ITPR1: variants seen among roughly 807,000 people sequenced by gnomAD.
ITPR1 encodes the protein inositol 1,4,5-trisphosphate-gated calcium channel ITPR1.
In ITPR1, 96 loss-of-function variants were observed where a neutral mutation model predicts 318.4. The observed-to-expected ratio is 0.30, with a 90% confidence interval of 0.26 to 0.36. The LOEUF is 0.36. ITPR1 is among the 10% of genes least tolerant of loss of function. The pLI, the probability that ITPR1 is intolerant of heterozygous loss-of-function variation, is 1.00. For missense variants in ITPR1, 2,440 were observed against 3,460.2 expected, an observed-to-expected ratio of 0.71 and a Z score of 7.40; for synonymous variants, 1,312 against 1,289.9, an observed-to-expected ratio of 1.02 and a Z score of -0.37.
At chr3:4,706,746 G>C (rs1054199888) in intron 37 of ITPR1, among the ~76,000 whole-genome samples, 3 of 152,176 alleles carry the variant, frequency 2.0e-5, no homozygotes, top group Admixed American at 2.0e-4. Flanking sequence ...CCTGAGAGAA[G>C]AATTTTACAT....
At chr3:4,753,369 T>C (rs949174320) in intron 44 of ITPR1, among the ~76,000 whole-genome samples, 2 of 152,106 alleles carry the variant, frequency 1.3e-5, no homozygotes, top group Non-Finnish European at 2.9e-5. Context: ...GCCAAAGCCC[T>C]AATATACAAA....
At chr3:4,721,163 T>C (rs1489779357) in intron 40 of ITPR1, among the ~76,000 whole-genome samples, 2 of 89,900 alleles carry the variant, frequency 2.2e-5, no homozygotes, top group South Asian at 9.7e-4. Context: ...TAGATACGTG[T>C]GTGTGCGTGT....
intron 4 of ITPR1, among the ~76,000 whole-genome samples, chr3:4,546,686 ATAATT>A (rs1172560831): frequency 6.6e-5 from 10 of 152,020 alleles, no homozygotes; most frequent in Non-Finnish European, 1.2e-4. Context: ...GGATAGACAA[ATAATT>A]TAATGGCAGA....
intron 24 of ITPR1, 98 bp from the exon 25 acceptor site, chr3:4,680,455 C>G: frequency 1.9e-6 from 2 of 1,032,648 alleles, no homozygotes; most frequent in South Asian, 2.9e-5. Context: ...GTAATTGATG[C>G]AGCTGATACC....
intron 5 of ITPR1, among the ~76,000 whole-genome samples, chr3:4,629,626 G>T (rs769160427): frequency 1.4e-4 from 22 of 152,250 alleles, no homozygotes; most frequent in Non-Finnish European, 2.8e-4. Context: ...AATGAGCAGT[G>T]TGCTAGGTGC....
chr3:4,660,127 C>T (rs1291491621), intron 13 of ITPR1, among the ~76,000 whole-genome samples: 10 of 152,312 alleles, frequency 6.6e-5, no homozygotes, highest in African/African-American at 2.4e-4. Flanking sequence ...ATAGGACTTA[C>T]TTCCCTAAGC....
chr3:4,691,751 C>T (rs2094482214), intron 32 of ITPR1, among the ~76,000 whole-genome samples: 1 of 152,166 alleles, frequency 6.6e-6, no homozygotes, highest in South Asian at 2.1e-4. Flanking sequence ...TTTTGAGGAG[C>T]AGTTGGTCTG....
intron 37 of ITPR1, among the ~76,000 whole-genome samples, chr3:4,708,396 G>A (rs138217560): frequency 3.7e-4 from 56 of 152,288 alleles, no homozygotes; most frequent in African/African-American, 1.2e-3. Flanking sequence ...TGTGGCTGGA[G>A]CCAGGAAGCT....
At chr3:4,846,028 A>C (rs2051751603) in intron 61 of ITPR1, 111 bp from the exon 62 acceptor site, 2 of 584,360 alleles carry the variant, frequency 3.4e-6, no homozygotes, top group Admixed American at 3.5e-5. Context: ...CTATTTGTAG[A>C]AAGTGGGTTT....
chr3:4,560,118 G>T (rs2086527103), intron 4 of ITPR1, among the ~76,000 whole-genome samples: 1 of 152,146 alleles, frequency 6.6e-6, no homozygotes, highest in Admixed American at 6.5e-5. Context: ...AAAAGACCTT[G>T]GAACAGTACT....
Position 4,531,449 on chromosome 3 carries a change from C to T in ITPR1, c.163+10355C>T, listed in dbSNP as rs146840558. 3.1e-4 allele frequency among the ~76,000 whole-genome samples: 47 copies of T among 152,246 alleles called. No individual in the cohort carries two copies. The East Asian group carries it at 8.5e-3, about 28-fold the overall frequency. ...AGTGTGGACACCTCCTCCAATCCAC[C>T]GTTTACTGCGGCTAGGGGAATCAGC... On this transcript the variant is annotated intron_variant, in intron 4 of 61. Coordinates refer to ENST00000649015, the MANE Select transcript of ITPR1 (RefSeq NM_001378452.1).
At chr3:4,530,823 T>C (rs1467056452) in intron 4 of ITPR1, among the ~76,000 whole-genome samples, 1 of 152,134 alleles carries the variant, frequency 6.6e-6, no homozygotes, top group East Asian at 1.9e-4. Context: ...AGTTGACTCG[T>C]CTTCTCCCTG....
chr3:4,636,431 T>G (rs1302033242), intron 5 of ITPR1, among the ~76,000 whole-genome samples: 1 of 152,200 alleles, frequency 6.6e-6, no homozygotes, highest in Non-Finnish European at 1.5e-5. Flanking sequence ...TATTTGAGAA[T>G]GTCTTATTTA....
rs1428014683 is a variant in ITPR1 at position 4,692,203 on chromosome 3, C to A, written c.4029+859C>A. Among the ~76,000 whole-genome samples, 5 of 151,158 alleles carry A rather than the reference C, an allele frequency of 3.3e-5. No individual in the cohort carries two copies. The East Asian group carries it at 7.7e-4, about 23-fold the overall frequency. On this transcript the variant is annotated intron_variant, in intron 32 of 61. Transcript: ENST00000649015. ...ACCTGGGATACAAATGTCACCTGAA[C>A]CCCTTCACTGAAGGGTGCCATGAGA...
chr3:4,639,584 C>T (rs1275151874), intron 6 of ITPR1, 114 bp downstream of exon 6: 6 of 744,628 alleles, frequency 8.1e-6, no homozygotes, highest in Non-Finnish European at 1.1e-5. Flanking sequence ...TCCATGGAGG[C>T]AGCCAGTTTA....
At chr3:4,595,354 G>A (rs982263932) in intron 4 of ITPR1, among the ~76,000 whole-genome samples, 6 of 152,084 alleles carry the variant, frequency 3.9e-5, no homozygotes, top group Non-Finnish European at 8.8e-5. Context: ...AGAGTGGTGA[G>A]GTGCCACACA....
chr3:4,736,874 A>C (rs973099372), intron 44 of ITPR1, among the ~76,000 whole-genome samples: 13 of 152,146 alleles, frequency 8.5e-5, no homozygotes, highest in Non-Finnish European at 1.6e-4. Flanking sequence ...CTGCTATACC[A>C]GGGGCGATGA....
In ITPR1 at chr3:4,684,291, A is replaced by G; in HGVS notation, c.3509A>G (p.Asn1170Ser). 4.3e-6 allele frequency: 7 copies of G among 1,611,754 alleles called. No homozygotes were observed. The highest frequency in any genetic ancestry group is 5.9e-6 in the Non-Finnish European group (7 of 1,178,590). The change falls in exon 29 of 62, where the codon AAC (asparagine) becomes AGC (serine). Residue 1170 changes from asparagine (N) to serine (S), a missense_variant. Coordinates refer to ENST00000649015, the MANE Select transcript of ITPR1 (RefSeq NM_001378452.1). ...CACTTTGGTTTCTAGGAGGGAAATAACAAGCCACAAAAGCATGAAAGCACC... is the reference window on the plus strand; with the variant it reads ...CACTTTGGTTTCTAGGAGGGAAATAGCAAGCCACAAAAGCATGAAAGCACC... ...NEHKKTEEGN[N>S]KPQKHESTSS...
chr3:4,753,900 A>G (rs914728760), intron 44 of ITPR1, among the ~76,000 whole-genome samples: 5 of 152,056 alleles, frequency 3.3e-5, no homozygotes, highest in Non-Finnish European at 5.9e-5. Flanking sequence ...TCCATTGCAG[A>G]TGAGGGAACT....
Sources: gnomAD v4.1 joint callset for allele counts (sites outside exome capture counted in the v4.1 genomes callset) on GRCh38, gnomAD v4.1.1 for gene constraint, MANE v1.5 for transcripts, NCBI Gene and HGNC (gene_info 2026-07-23, HGNC 2026-07-21) for gene names.